Variants in LRRC2 observed in about 807,000 individuals in gnomAD.
LRRC2 encodes the protein leucine-rich repeat-containing protein 2.
LRRC2 carries 27 observed loss-of-function variants against 40.2 expected under a neutral mutation model. The observed-to-expected ratio is 0.67, with a 90% CI of 0.49 to 0.93. The LOEUF (loss-of-function observed/expected upper bound fraction) is 0.93. Among genes scored for constraint, LRRC2 ranks in the 40% least tolerant of loss-of-function variants. LRRC2 has a pLI of 0.00. For synonymous variants in LRRC2, 147 were observed against 158.9 expected, an observed-to-expected ratio of 0.92 and a Z score of 0.56; for missense variants, 402 against 439.6, an observed-to-expected ratio of 0.91 and a Z score of 0.76.
At chr3:46,537,812 G>A (rs1271578924) in intron 4 of LRRC2, among the ~76,000 whole-genome samples, 1 of 152,194 alleles carries the variant, frequency 6.6e-6, no homozygotes, top group Admixed American at 6.5e-5. Context: ...AAGACACGAG[G>A]CTCCTGGTCC....
intron 1 of LRRC2, among the ~76,000 whole-genome samples, chr3:46,554,760 AAGG>A (rs761788349): frequency 4.6e-5 from 7 of 152,210 alleles, no homozygotes; most frequent in Non-Finnish European, 1.0e-4. Context: ...GGTAAATATA[AAGG>A]AGAATTGTTA....
chr3:46,518,890 A>T lies in LRRC2; in HGVS notation c.*124T>A. 2 of 711,392 alleles carry T rather than the reference A, an allele frequency of 2.8e-6. No homozygotes were observed. Among genetic ancestry groups the T allele is most frequent in the Middle Eastern group, 3.5e-4 (1 of 2,830 alleles). The allele number at this position is 711,392 out of a possible 1,614,324, so 44.1% of individuals were successfully genotyped here. On this transcript the variant is annotated 3_prime_UTR_variant, in exon 9 of 9. Transcript: ENST00000395905. ...CATTTGAAAACCATTTTTTTTAGCA[A>T]CTATGATAGTGGTTTCTAGACTTTG...
At chr3:46,523,361 T>C (rs368310386) in intron 7 of LRRC2, among the ~76,000 whole-genome samples, 95 of 152,324 alleles carry the variant, frequency 6.2e-4, no homozygotes, top group African/African-American at 2.2e-3. Context: ...TCTTTTTTCA[T>C]TGGTCTATCA....
chr3:46,531,141 T>C (rs1704153960), intron 5 of LRRC2, among the ~76,000 whole-genome samples: 2 of 138,194 alleles, frequency 1.4e-5, no homozygotes, highest in Admixed American at 1.6e-4. Context: ...AATTCAACAA[T>C]TATAGTTAGA....
chr3:46,515,982 T>TG lies in LRRC2; in HGVS notation c.*3031dup, dbSNP rs1703855167. The TG allele has an allele frequency of 7.0e-6, 1 of 142,560 alleles. No homozygotes were observed. Among genetic ancestry groups the TG allele is most frequent in the East Asian group, 2.0e-4 (1 of 4,990 alleles). 8.8% of individuals were successfully genotyped at this position (142,560 alleles called of 1,614,324 possible). On this transcript the variant is annotated 3_prime_UTR_variant, in exon 9 of 9. Transcript: ENST00000395905. Reference sequence around the variant, plus strand: ...TTTTTTTTTTTTTTTTTTTTTGAGATGGAGTCTCACTCTGTTGCCCAGGCT... The same window carrying TG: ...TTTTTTTTTTTTTTTTTTTTTGAGATGGGAGTCTCACTCTGTTGCCCAGGCT...
At chr3:46,542,232 C>T (rs1405099924) in intron 3 of LRRC2, among the ~76,000 whole-genome samples, 1 of 151,968 alleles carries the variant, frequency 6.6e-6, no homozygotes, top group Non-Finnish European at 1.5e-5. Flanking sequence ...AAGCATCCCC[C>T]CCAAAAAAAC....
chr3:46,554,631 G>A (rs1704745943), intron 1 of LRRC2, among the ~76,000 whole-genome samples: 1 of 136,068 alleles, frequency 7.3e-6, no homozygotes, highest in African/African-American at 2.8e-5. Flanking sequence ...GACAGAGCAA[G>A]ACTCTGTCTT....
At chr3:46,542,232 C>G (rs1405099924) in intron 3 of LRRC2, among the ~76,000 whole-genome samples, 3 of 151,968 alleles carry the variant, frequency 2.0e-5, no homozygotes, top group Non-Finnish European at 4.4e-5. Flanking sequence ...AAGCATCCCC[C>G]CCAAAAAAAC....
At chr3:46,544,065 A>AC (rs1704466111) in intron 3 of LRRC2, among the ~76,000 whole-genome samples, 2 of 152,172 alleles carry the variant, frequency 1.3e-5, no homozygotes, top group Admixed American at 6.5e-5. Flanking sequence ...AATGATAAAA[A>AC]CCACCTCGGA....
chr3:46,559,224 C>T (rs1704882339), intron 1 of LRRC2: 3 of 152,176 alleles, frequency 2.0e-5, no homozygotes, highest in South Asian at 2.1e-4. Flanking sequence ...CATAAAGGAA[C>T]GCTACGCATC....
intron 4 of LRRC2, among the ~76,000 whole-genome samples, chr3:46,534,754 C>A (rs1041760142): frequency 2.0e-5 from 3 of 152,110 alleles, no homozygotes; most frequent in African/African-American, 7.2e-5. Flanking sequence ...AAAGAATACC[C>A]TGTCTAGTAA....
chr3:46,542,662 A>G (rs1432387791), intron 3 of LRRC2, among the ~76,000 whole-genome samples: 2 of 152,378 alleles, frequency 1.3e-5, no homozygotes, highest in South Asian at 4.1e-4. Flanking sequence ...ACTTCACAGA[A>G]TTCATCCATT....
At chr3:46,545,785 C>A (rs1444277027) in intron 2 of LRRC2, among the ~76,000 whole-genome samples, 1 of 152,206 alleles carries the variant, frequency 6.6e-6, no homozygotes, top group Non-Finnish European at 1.5e-5. Context: ...TCTTTTAGAG[C>A]TTTCCACATC....
At chr3:46,542,530 GA>G (rs200309007) in intron 3 of LRRC2, among the ~76,000 whole-genome samples, 37,321 of 132,318 alleles carry the variant, frequency 0.28, 4,694 homozygotes, top group Middle Eastern at 0.36. Context: ...AAGAAGAAAA[GA>G]AAAAAAAAAA....
intron 2 of LRRC2, among the ~76,000 whole-genome samples, chr3:46,548,016 C>G (rs6800163): frequency 0.37 from 55,642 of 152,052 alleles, 10,844 homozygotes; most frequent in African/African-American, 0.47. Context: ...ACCAACAGCA[C>G]AGCCACTGCA....
intron 8 of LRRC2, among the ~76,000 whole-genome samples, chr3:46,519,272 G>T (rs948946928): frequency 2.6e-5 from 4 of 152,198 alleles, no homozygotes; most frequent in African/African-American, 9.6e-5. Context: ...CTTTAGAAAT[G>T]TTTAGATCTA....
chr3:46,521,432 T>A (rs1703962153), intron 8 of LRRC2, 90 bp downstream of exon 8: 2 of 1,064,228 alleles, frequency 1.9e-6, no homozygotes, highest in Non-Finnish European at 2.6e-6. Flanking sequence ...CCAATAAACT[T>A]TTTGTCAATT....
intron 1 of LRRC2, among the ~76,000 whole-genome samples, chr3:46,555,287 ATTTAT>A (rs1559420260): frequency 6.6e-6 from 1 of 152,142 alleles, no homozygotes; most frequent in Non-Finnish European, 1.5e-5. Flanking sequence ...TTGCTGGATC[ATTTAT>A]TTAACCAATT....
Position 46,550,377 on chromosome 3 carries a change from C to T in LRRC2, c.125+1090G>A, listed in dbSNP as rs1354279685. 1.3e-3 allele frequency among the ~76,000 whole-genome samples: 106 copies of T among 84,026 alleles called. 1 individual carries two copies. The highest frequency in any genetic ancestry group is 2.8e-3 in the South Asian group (6 of 2,172). The allele number at this position is 84,026 out of a possible 152,430, so 55.1% of individuals were successfully genotyped here. On this transcript the variant is annotated intron_variant, in intron 2 of 8. Transcript: ENST00000395905. Reference sequence around the variant, plus strand: ...GTAGACACATTCACACCTTACACATCTTTTTTTTTTTTTTTTTTTTTTTTG... The same window carrying T: ...GTAGACACATTCACACCTTACACATTTTTTTTTTTTTTTTTTTTTTTTTTG...
Sources: gnomAD v4.1 joint callset for allele counts (sites outside exome capture counted in the v4.1 genomes callset) on GRCh38, gnomAD v4.1.1 for gene constraint, MANE v1.5 for transcripts, NCBI Gene and HGNC (gene_info 2026-07-23, HGNC 2026-07-21) for gene names.